ARHGEF18: variants seen among roughly 807,000 people sequenced by gnomAD.
ARHGEF18 encodes the protein rho guanine nucleotide exchange factor 18.
Under a neutral mutation model 155.7 loss-of-function variants are expected in ARHGEF18, and 93 were observed. The ratio of observed to expected loss-of-function variants is 0.60; its 90% CI spans 0.50 to 0.71. The LOEUF (loss-of-function observed/expected upper bound fraction) is 0.71. Ranked by LOEUF, ARHGEF18 falls within the 30% of genes least tolerant of loss-of-function variation. ARHGEF18 has a pLI of 0.00. For synonymous variants in ARHGEF18, 742 were observed against 753.1 expected, an observed-to-expected ratio of 0.99 and a Z score of 0.24; for missense variants, 1,593 against 1,816.1, an observed-to-expected ratio of 0.88 and a Z score of 2.23.
the ARHGEF18 span, among the ~76,000 whole-genome samples, chr19:7,479,015 C>T: frequency 6.6e-6 from 1 of 152,182 alleles, no homozygotes; most frequent in Non-Finnish European, 1.5e-5. Flanking sequence ...CAGCCTCGGC[C>T]GTGGGGTGTG....
Position 7,402,957 on chromosome 19 carries a change from G to C in ARHGEF18, c.967+19754G>C, listed in dbSNP as rs1379731440. 2.6e-5 allele frequency among the ~76,000 whole-genome samples: 4 copies of C among 152,046 alleles called. No homozygotes were observed. The East Asian group carries it at 7.7e-4, about 29-fold the overall frequency. ...TTATATTATAGCAAATTTAAAATTG[G>C]GATAATGTGATTCACATACCACAGA... On this transcript the variant is annotated intron_variant, in intron 10 of 28. Transcript: ENST00000668164.
chr19:7,397,863 C>T (rs1971811971), intron 10 of ARHGEF18, among the ~76,000 whole-genome samples: 1 of 152,048 alleles, frequency 6.6e-6, no homozygotes, highest in South Asian at 2.1e-4. Flanking sequence ...GCTGCCACAG[C>T]CTGTGGTTTT....
rs1184817826 is a variant in ARHGEF18 at position 7,462,056 on chromosome 19, C to T, written c.2453-96C>T. The T allele has an allele frequency of 6.8e-7, 1 of 1,471,726 alleles. No homozygotes were observed. Among genetic ancestry groups the T allele is most frequent in the Non-Finnish European group, 9.4e-7 (1 of 1,061,010 alleles). 91.2% of individuals were successfully genotyped at this position (1,471,726 alleles called of 1,614,324 possible). A position where few individuals can be genotyped will look rare whatever the true frequency, so the allele number is the denominator to read the frequency against. ...GGGGCAGCCTACCTCAGGGCAGGGC[C>T]AGCGGGGTTCCTCATCCTTAGGCCA... On this transcript the variant is annotated intron_variant, in intron 20 of 28. Coordinates refer to ENST00000668164, the MANE Select transcript of ARHGEF18 (RefSeq NM_001367823.1). This position sits in a 1 kb window ranked among gnomAD's most constrained non-coding sequence, Gnocchi z 4.4.
intron 6 of ARHGEF18, among the ~76,000 whole-genome samples, chr19:7,378,894 T>C (rs1970594277): frequency 6.6e-6 from 1 of 151,952 alleles, no homozygotes; most frequent in Admixed American, 6.6e-5. Context: ...GGTTTCACCA[T>C]GTTGGCCAGG....
At chr19:7,472,972 G>A (rs1288738742), downstream of ARHGEF18, 5 of 456,044 alleles carry the variant, frequency 1.1e-5, no homozygotes, top group South Asian at 7.7e-5. Context: ...AAAGTGCTGG[G>A]ATTACGGGCA....
At chr19:7,464,456 C>T in intron 22 of ARHGEF18, 104 bp from the exon 23 acceptor site, 3 of 1,444,984 alleles carry the variant, frequency 2.1e-6, no homozygotes, top group Non-Finnish European at 2.8e-6. Context: ...CCATTCGGGC[C>T]TAGCCTGGGT....
intron 10 of ARHGEF18, among the ~76,000 whole-genome samples, chr19:7,421,856 G>A (rs190847565): frequency 6.6e-6 from 1 of 152,266 alleles, no homozygotes; most frequent in East Asian, 1.9e-4. Context: ...AGGGTCCTGG[G>A]TGGCATTTCA....
chr19:7,456,469 C>T, intron 18 of ARHGEF18, 66 bp downstream of exon 18: 2 of 1,485,500 alleles, frequency 1.3e-6, no homozygotes, highest in South Asian at 2.3e-5. Flanking sequence ...ATAATCCCAG[C>T]ACTTTGGGAG....
chr19:7,356,132 A>G (rs1969293113), intron 1 of ARHGEF18, among the ~76,000 whole-genome samples: 1 of 151,754 alleles, frequency 6.6e-6, no homozygotes, highest in South Asian at 2.1e-4. Flanking sequence ...ACACACATAC[A>G]CACACACATC....
At position 7,395,240 on chromosome 19, in the gene ARHGEF18, G is replaced by C. The variant is rs1971628823; in HGVS notation, c.967+12037G>C. ...GGCGGAGAGCGGCCTGCGGGCGATC[G>C]GGCCGAGGTGAGGACGGCGGCGGGG... is the stretch of plus-strand genomic sequence containing the variant. On this transcript the variant is annotated intron_variant, in intron 10 of 28. Transcript: ENST00000668164. The surrounding 1 kb of genome is among the most constrained non-coding windows in gnomAD (Gnocchi z 5.0). The C allele has an allele frequency of 1.0e-6, 1 of 986,674 alleles. No individual in the cohort carries two copies. The highest frequency in any genetic ancestry group is 6.1e-5 in the Admixed American group (1 of 16,272). The allele number at this position is 986,674 out of a possible 1,614,324, so 61.1% of individuals were successfully genotyped here.
chr19:7,398,762 C>T (rs529427054), intron 10 of ARHGEF18, among the ~76,000 whole-genome samples: 4 of 151,892 alleles, frequency 2.6e-5, no homozygotes, highest in South Asian at 2.1e-4. Flanking sequence ...TTGCTTAAAT[C>T]GACTTGAGAA....
Position 7,368,607 on chromosome 19 carries a change from G to A in ARHGEF18, c.16-4205G>A, listed in dbSNP as rs575538349. Reference sequence around the variant, plus strand: ...CATCTCTGGCCTGGCTCCCACCTCTGCCTCCTCTGAGGGAGGCCAGATGCA... The same window carrying A: ...CATCTCTGGCCTGGCTCCCACCTCTACCTCCTCTGAGGGAGGCCAGATGCA... On this transcript the variant is annotated intron_variant, in intron 2 of 28. Transcript: ENST00000668164. Among the ~76,000 whole-genome samples the A allele has an allele frequency of 4.7e-4, 72 of 152,270 alleles. 1 individual carries two copies. In the South Asian group the frequency reaches 0.014, roughly 30 times the overall value.
At position 7,465,557 on chromosome 19, in the gene ARHGEF18, G is replaced by A. The variant is rs552542874; in HGVS notation, c.2904+867G>A. On this transcript the variant is annotated intron_variant, in intron 23 of 28. Coordinates refer to ENST00000668164, the MANE Select transcript of ARHGEF18 (RefSeq NM_001367823.1). Reference sequence around the variant, plus strand: ...CAAGTAGCTGAAACTACAGGTGCGCGCCCCCACACCTGACTAATTTTTTAA... The same window carrying A: ...CAAGTAGCTGAAACTACAGGTGCGCACCCCCACACCTGACTAATTTTTTAA... 2.3e-4 allele frequency among the ~76,000 whole-genome samples: 35 copies of A among 152,026 alleles called. No individual in the cohort carries two copies. The South Asian group carries it at 3.5e-3, about 15-fold the overall frequency.
rs551597924 is a variant in ARHGEF18, at chr19:7,444,406, T to C, written c.1563T>C (p.Ser521=). The C allele has an allele frequency of 6.2e-7, 1 of 1,613,732 alleles. No individual in the cohort carries two copies. Among genetic ancestry groups the C allele is most frequent in the South Asian group, 1.1e-5 (1 of 91,084 alleles). ...ERRQESLEEG[S]DRNYVIQKIG... ...GCCAGGAGTCCCTGGAGGAGGGCAG[T>C]GACCGGAATTATGTCATCCAGAAAA... Residue 521 remains serine, a synonymous_variant, in exon 14 of 29, where the codon AGT becomes AGC. Transcript: ENST00000668164. This position sits in a 1 kb window ranked among gnomAD's most constrained non-coding sequence, Gnocchi z 4.7.
chr19:7,477,625 G>C, the ARHGEF18 span, among the ~76,000 whole-genome samples: 1 of 151,952 alleles, frequency 6.6e-6, no homozygotes, highest in African/African-American at 2.4e-5. Flanking sequence ...ACCCAAGCAC[G>C]AACAGGGCAG....
intron 8 of ARHGEF18, among the ~76,000 whole-genome samples, chr19:7,381,679 A>AAAAT (rs1414810366): frequency 3.8e-4 from 55 of 145,764 alleles, no homozygotes; most frequent in African/African-American, 1.3e-3. Flanking sequence ...CTCCGTCTCA[A>AAAAT]AAATAAATAA....
Position 7,439,993 on chromosome 19 carries a change from A to G in ARHGEF18, c.968-351A>G, listed in dbSNP as rs1384287321. 7.7e-6 allele frequency: 12 copies of G among 1,549,344 alleles called. No individual in the cohort carries two copies. In the East Asian group the frequency reaches 9.8e-5, roughly 13 times the overall value. On this transcript the variant is annotated intron_variant, in intron 10 of 28. Transcript: ENST00000668164. ...CCCTCCAGACCCGCTGCTTCAGCCA[A>G]TACAGCAAGGGAAGACGCAGCTCTG... is the stretch of plus-strand genomic sequence containing the variant.
In ARHGEF18 at chr19:7,462,120, G is replaced by T. The variant is rs201780416; in HGVS notation, c.2453-32G>T. Reference sequence around the variant, plus strand: ...AGATGATTCCAGGGAAGGCCGACCCGGCTGACTGCCACCTCCACCATCACT... The same window carrying T: ...AGATGATTCCAGGGAAGGCCGACCCTGCTGACTGCCACCTCCACCATCACT... On this transcript the variant is annotated intron_variant, in intron 20 of 28. Transcript: ENST00000668164. The surrounding 1 kb of genome is among the most constrained non-coding windows in gnomAD (Gnocchi z 4.4). 4 of 1,613,288 alleles carry T rather than the reference G, an allele frequency of 2.5e-6. No individual in the cohort carries two copies. In the South Asian group the frequency reaches 3.3e-5, roughly 13 times the overall value.
chr19:7,407,570 T>C (rs1188903387), intron 10 of ARHGEF18, among the ~76,000 whole-genome samples: 4 of 152,142 alleles, frequency 2.6e-5, no homozygotes, highest in Non-Finnish European at 5.9e-5. Flanking sequence ...CGGTTCCTTC[T>C]GCACATCAGG....
Sources: gnomAD v4.1 joint callset for allele counts (sites outside exome capture counted in the v4.1 genomes callset) on GRCh38, gnomAD v4.1.1 for gene constraint, Gnocchi (gnomAD v3.1) non-coding constraint, MANE v1.5 for transcripts, NCBI Gene and HGNC (gene_info 2026-07-23, HGNC 2026-07-21) for gene names.